Variants in MYH9 observed in about 807,000 individuals in gnomAD.
The protein encoded by MYH9 is myosin heavy chain 9.
Under a neutral mutation model 241.9 loss-of-function variants are expected in MYH9, and 29 were observed. The ratio of observed to expected loss-of-function variants is 0.12; its 90% CI spans 0.09 to 0.16. The LOEUF is 0.16. Among genes scored for constraint, MYH9 ranks in the 10% least tolerant of loss-of-function variants. MYH9 has a pLI of 1.00. For missense variants in MYH9, 1,803 were observed against 2,595.5 expected, an observed-to-expected ratio of 0.69 and a Z score of 6.63; for synonymous variants, 1,047 against 1,062.6, an observed-to-expected ratio of 0.99 and a Z score of 0.29.
intron 3 of MYH9, among the ~76,000 whole-genome samples, chr22:36,338,522 A>C (rs916416596): frequency 2.6e-5 from 4 of 152,080 alleles, no homozygotes; most frequent in African/African-American, 9.7e-5. Flanking sequence ...TCTCCAAAAG[A>C]TGAAATCGCC....
chr22:36,288,366 C>T lies in MYH9; in HGVS notation c.4818G>A (p.Ser1606=), dbSNP rs202132383. The T allele has an allele frequency of 3.8e-4, 612 of 1,613,664 alleles. No homozygotes were observed. Among genetic ancestry groups the T allele is most frequent in the Admixed American group, 6.2e-4 (37 of 60,016 alleles). ...AELEDERKQR[S]MAVAARKKLE... is the part of the protein sequence containing the mutation. ...GCTTCTTCCGGGCGGCCACTGCCAT[C>T]GAGCGCTGCTTCCTCTCGTCCTCCA... Residue 1606 remains serine (S), a synonymous_variant, in exon 34 of 41, where the codon TCG becomes TCA. Coordinates refer to ENST00000216181, the MANE Select transcript of MYH9 (RefSeq NM_002473.6). The surrounding 1 kb of genome is among the most constrained non-coding windows in gnomAD (Gnocchi z 4.8).
chr22:36,356,915 G>A (rs1227768112), intron 1 of MYH9, among the ~76,000 whole-genome samples: 2 of 152,250 alleles, frequency 1.3e-5, no homozygotes, highest in East Asian at 1.9e-4. Context: ...TCTGCCATGT[G>A]GATGAATGCA....
intron 14 of MYH9, 75 bp from the exon 15 acceptor site, chr22:36,309,471 G>T (rs570670151): frequency 1.8e-6 from 2 of 1,124,268 alleles, no homozygotes; most frequent in Non-Finnish European, 2.7e-6. Flanking sequence ...CGGAGCACAG[G>T]CTAACCCCAT....
Position 36,320,069 on chromosome 22 carries a change from T to A in MYH9, c.1012+151A>T. On this transcript the variant is annotated intron_variant, in intron 9 of 40. Coordinates refer to ENST00000216181, the MANE Select transcript of MYH9 (RefSeq NM_002473.6). The surrounding 1 kb of genome is among the most constrained non-coding windows in gnomAD (Gnocchi z 4.8). ...AACAAATAACCTTGAACCTCAAATC[T>A]GAGGAATCATTTTCCCATACACTGA... is the stretch of plus-strand genomic sequence containing the variant. The A allele has an allele frequency of 9.3e-7, 1 of 1,078,290 alleles. No individual in the cohort carries two copies. The highest frequency in any genetic ancestry group is 1.4e-6 in the Non-Finnish European group (1 of 735,994). 66.8% of individuals were successfully genotyped at this position (1,078,290 alleles called of 1,614,324 possible).
At chr22:36,356,541 A>G in intron 1 of MYH9, among the ~76,000 whole-genome samples, 1 of 139,372 alleles carries the variant, frequency 7.2e-6, no homozygotes, top group Non-Finnish European at 1.5e-5. Flanking sequence ...AGATGGTGCC[A>G]CTGCACTCCA....
In MYH9 at chr22:36,304,046, G is replaced by T. The variant is rs1328642771; in HGVS notation, c.2339C>A (p.Thr780Asn). ...HLEEERDLKI[T>N]DVIIGFQACC... ...GGCCTGGAACCCTATGATGACGTCG[G>T]TGATCTTCAGGTCTCGCTCCTCCTC... Residue 780 changes from threonine to asparagine, a missense_variant, in exon 19 of 41, where the codon ACC (threonine) becomes AAC (asparagine). Thr to Asn is a moderately conservative substitution (Grantham distance 65). Transcript: ENST00000216181. The T allele has an allele frequency of 4.3e-6, 7 of 1,613,698 alleles. No individual in the cohort carries two copies.
rs996078916 is a variant in MYH9, at chr22:36,295,296, C to G, written c.3485+209G>C. The stretch of plus-strand genomic sequence containing the variant: ...TCAGCTTTAAAGCCCAGCCTTGCCT[C>G]ACCCCCAACTTTGAGCCAGGTCCTT... On this transcript the variant is annotated intron_variant, in intron 26 of 40. Transcript: ENST00000216181. This position sits in a 1 kb window ranked among gnomAD's most constrained non-coding sequence, Gnocchi z 4.1. 2.0e-5 allele frequency among the ~76,000 whole-genome samples: 3 copies of G among 152,208 alleles called. No individual in the cohort carries two copies. Among genetic ancestry groups the G allele is most frequent in the Non-Finnish European group, 4.4e-5 (3 of 68,038 alleles).
chr22:36,287,721 G>A (rs1045514892), intron 34 of MYH9, among the ~76,000 whole-genome samples: 1 of 152,236 alleles, frequency 6.6e-6, no homozygotes, highest in Non-Finnish European at 1.5e-5. Flanking sequence ...CAGCCTGAGC[G>A]ACAGAGCGAG....
intron 4 of MYH9, 75 bp from the exon 5 acceptor site, chr22:36,326,736 C>T: frequency 8.0e-7 from 1 of 1,243,828 alleles, no homozygotes; most frequent in Non-Finnish European, 1.2e-6. Context: ...CCACTGCACG[C>T]TCCACTGCCT....
At position 36,306,410 on chromosome 22, in the gene MYH9, G is replaced by GC. The variant is rs1569535388; in HGVS notation, c.2037+3dup. 6.2e-7 allele frequency: 1 copy of GC among 1,613,898 alleles called. No homozygotes were observed. The highest frequency in any genetic ancestry group is 1.3e-5 in the African/African-American group (1 of 74,932). On this transcript the variant is annotated splice_donor_region_variant and intron_variant, in intron 16 of 40. Coordinates refer to ENST00000216181, the MANE Select transcript of MYH9 (RefSeq NM_002473.6). The surrounding 1 kb of genome is among the most constrained non-coding windows in gnomAD (Gnocchi z 4.1). ...GCCCGGGCCACCCCACCAGGCAGCC[G>GC]CACCTTCTTCTCGTGGTTGGGGATG... is the stretch of plus-strand genomic sequence containing the variant.
intron 2 of MYH9, among the ~76,000 whole-genome samples, chr22:36,342,492 C>T (rs959213839): frequency 6.6e-6 from 1 of 152,168 alleles, no homozygotes; most frequent in Admixed American, 6.6e-5. Context: ...CACATCTGTC[C>T]TTCCTCATCT....
chr22:36,320,075 AT>A lies in MYH9; in HGVS notation c.1012+144del. 5 of 1,113,540 alleles carry A rather than the reference AT, an allele frequency of 4.5e-6. No homozygotes were observed. The highest frequency in any genetic ancestry group is 6.5e-6 in the Non-Finnish European group (5 of 764,514). 69.0% of individuals were successfully genotyped at this position (1,113,540 alleles called of 1,614,324 possible). On this transcript the variant is annotated intron_variant, in intron 9 of 40. Coordinates refer to ENST00000216181, the MANE Select transcript of MYH9 (RefSeq NM_002473.6). This position sits in a 1 kb window ranked among gnomAD's most constrained non-coding sequence, Gnocchi z 4.8. The stretch of plus-strand genomic sequence containing the variant: ...TAACCTTGAACCTCAAATCTGAGGA[AT>A]CATTTTCCCATACACTGAAGGCCTT...
intron 1 of MYH9, among the ~76,000 whole-genome samples, chr22:36,351,079 A>T (rs184450721): frequency 2.0e-5 from 3 of 152,320 alleles, no homozygotes; most frequent in African/African-American, 7.2e-5. Flanking sequence ...ACAAAGGGAA[A>T]AATCTAGGCT....
intron 1 of MYH9, among the ~76,000 whole-genome samples, chr22:36,362,445 C>G (rs1269677694): frequency 6.6e-6 from 1 of 152,140 alleles, no homozygotes; most frequent in Non-Finnish European, 1.5e-5. Context: ...AATGGGGTGT[C>G]CTCCACTAAG....
At chr22:36,364,938 A>AC (rs1015990104) in intron 1 of MYH9, 43 of 152,038 alleles carry the variant, frequency 2.8e-4, no homozygotes, top group African/African-American at 1.0e-3. Flanking sequence ...GATCCCAGCT[A>AC]CCCCCATGGA....
intron 3 of MYH9, among the ~76,000 whole-genome samples, chr22:36,332,724 A>G (rs2017444166): frequency 6.7e-6 from 1 of 149,024 alleles, no homozygotes; most frequent in Non-Finnish European, 1.5e-5. Flanking sequence ...TCATTATGTC[A>G]GACTAAGCGA....
intron 11 of MYH9, among the ~76,000 whole-genome samples, chr22:36,317,478 C>A (rs1048315247): frequency 6.6e-6 from 1 of 152,148 alleles, no homozygotes; most frequent in African/African-American, 2.4e-5. Flanking sequence ...GAATAATACG[C>A]GATGTCTTTT....
At chr22:36,337,048 C>T (rs893610651) in intron 3 of MYH9, among the ~76,000 whole-genome samples, 3 of 151,766 alleles carry the variant, frequency 2.0e-5, no homozygotes, top group African/African-American at 7.3e-5. Flanking sequence ...GTCTCAAATC[C>T]TTGCCAGCAC....
At position 36,366,174 on chromosome 22, in the gene MYH9, C is replaced by A. The variant is rs146516396; in HGVS notation, c.-19-16919G>T. ...CTGCACTCCAGCCTGGGTGACAGAG[C>A]GAGACTCCATCTCAAAAATAAATAA... On this transcript the variant is annotated intron_variant, in intron 1 of 40. Transcript: ENST00000216181. Among the ~76,000 whole-genome samples, 1,094 of 152,082 alleles carry A rather than the reference C, an allele frequency of 7.2e-3. 17 individuals carry two copies. Among genetic ancestry groups the A allele is most frequent in the African/African-American group, 0.026 (1,062 of 41,468 alleles).
Sources: allele counts gnomAD v4.1 joint callset (sites outside exome capture counted in the v4.1 genomes callset), GRCh38; gene constraint gnomAD v4.1.1; non-coding constraint Gnocchi (gnomAD v3.1); transcripts MANE v1.5; gene names NCBI Gene and HGNC (gene_info 2026-07-23, HGNC 2026-07-21).